Variants in PEAK1 observed in about 807,000 individuals in gnomAD.
The protein encoded by PEAK1 is pseudopodium enriched atypical kinase 1.
In PEAK1, 54 loss-of-function variants were observed where a neutral mutation model predicts 124.7. The observed-to-expected ratio is 0.43, with a 90% CI of 0.35 to 0.54. The LOEUF is 0.54. Among genes scored for constraint, PEAK1 ranks in the 20% least tolerant of loss-of-function variants. The pLI, the probability that PEAK1 is intolerant of heterozygous loss-of-function variation, is 0.01. For missense variants in PEAK1, 2,046 were observed against 2,134.5 expected, an observed-to-expected ratio of 0.96 and a Z score of 0.82; for synonymous variants, 719 against 760.0, an observed-to-expected ratio of 0.95 and a Z score of 0.89.
At chr15:77,268,006 T>C (rs2061828580) in intron 5 of PEAK1, among the ~76,000 whole-genome samples, 1 of 151,982 alleles carries the variant, frequency 6.6e-6, no homozygotes, top group Non-Finnish European at 1.5e-5. Context: ...ATAGATAGCA[T>C]AAATAAAAAC....
chr15:77,333,740 G>A (rs1232943011), intron 2 of PEAK1: 1 of 959,528 alleles, frequency 1.0e-6, no homozygotes, highest in Non-Finnish European at 1.2e-6. Context: ...ACATTAATCT[G>A]TATTATTTTA....
chr15:77,320,169 A>T (rs1416711583), intron 2 of PEAK1, among the ~76,000 whole-genome samples: 1 of 152,020 alleles, frequency 6.6e-6, no homozygotes, highest in East Asian at 1.9e-4. Flanking sequence ...GTTTCTCTTT[A>T]TTGCCCAGTG....
chr15:77,391,802 G>C (rs905049289), intron 1 of PEAK1, among the ~76,000 whole-genome samples: 5 of 152,158 alleles, frequency 3.3e-5, no homozygotes, highest in Non-Finnish European at 7.3e-5. Flanking sequence ...AAGGAAATAA[G>C]ATAGCAAACA....
At chr15:77,235,103 A>G (rs1007860382) in intron 6 of PEAK1, among the ~76,000 whole-genome samples, 1 of 151,964 alleles carries the variant, frequency 6.6e-6, no homozygotes, top group Admixed American at 6.6e-5. Context: ...GCCATGCAAA[A>G]CTGTGAGTAA....
chr15:77,233,324 A>G (rs953092734), intron 6 of PEAK1, among the ~76,000 whole-genome samples: 5 of 152,094 alleles, frequency 3.3e-5, no homozygotes, highest in Admixed American at 1.3e-4. Flanking sequence ...GTGTCCAAAG[A>G]CTGTATTTCC....
chr15:77,279,429 G>A (rs1214558809), intron 5 of PEAK1, among the ~76,000 whole-genome samples: 2 of 152,048 alleles, frequency 1.3e-5, no homozygotes, highest in African/African-American at 4.8e-5. Context: ...GACATCTGCT[G>A]GGATCTGACC....
upstream of PEAK1, chr15:77,420,874 A>G (rs1289956974): frequency 5.0e-6 from 2 of 398,660 alleles, no homozygotes; most frequent in African/African-American, 2.1e-5. Context: ...AGTGCTGCGG[A>G]AGAATTTTTG....
At chr15:77,135,145 T>C (rs1173574194) in intron 8 of PEAK1, among the ~76,000 whole-genome samples, 1 of 152,176 alleles carries the variant, frequency 6.6e-6, no homozygotes, top group African/African-American at 2.4e-5. Context: ...TGAGAGAATA[T>C]ATTTGTGTTG....
At chr15:77,268,665 C>T (rs1454723544) in intron 5 of PEAK1, among the ~76,000 whole-genome samples, 1 of 151,278 alleles carries the variant, frequency 6.6e-6, no homozygotes, top group Non-Finnish European at 1.5e-5. Flanking sequence ...GCTCAAAGAA[C>T]TCCTGGGAAA....
intron 1 of PEAK1, chr15:77,403,705 GA>G: frequency 1.1e-6 from 1 of 927,144 alleles, no homozygotes; most frequent in South Asian, 5.0e-5. Context: ...ACCATATTAA[GA>G]AAAAAGGGCA....
intron 9 of PEAK1, among the ~76,000 whole-genome samples, chr15:77,119,747 G>A (rs77723115): frequency 1.3e-5 from 2 of 152,170 alleles, no homozygotes; most frequent in Admixed American, 6.5e-5. Context: ...TTTCAGTTCA[G>A]GGGCTCATTT....
At position 77,417,899 on chromosome 15, in the gene PEAK1, T is replaced by C. The variant is rs997121153; in HGVS notation, c.-666+2107A>G. 13 of 983,866 alleles carry C rather than the reference T, an allele frequency of 1.3e-5. No individual in the cohort carries two copies. The African/African-American group carries it at 2.1e-4, about 16-fold the overall frequency. 60.9% of individuals were successfully genotyped at this position (983,866 alleles called of 1,614,324 possible). A position where few individuals can be genotyped will look rare whatever the true frequency, so the allele number is the denominator to read the frequency against. ...ACTGCTAGATGTTGAAAAACATGTA[T>C]GCAAATAAGCAAATAAAAGTTTTTA... On this transcript the variant is annotated intron_variant, in intron 1 of 9. Coordinates refer to ENST00000682557, the MANE Select transcript of PEAK1 (RefSeq NM_001385026.1).
intron 7 of PEAK1, among the ~76,000 whole-genome samples, chr15:77,162,292 G>A (rs1391483045): frequency 7.2e-5 from 11 of 151,762 alleles, no homozygotes; most frequent in African/African-American, 1.9e-4. Context: ...TCAGGGGTTC[G>A]AGATCAGCCT....
intron 6 of PEAK1, among the ~76,000 whole-genome samples, chr15:77,192,706 C>T (rs761183898): frequency 4.6e-5 from 7 of 152,146 alleles, no homozygotes; most frequent in African/African-American, 9.7e-5. Context: ...CCATTCCTAT[C>T]GTAACCACTC....
At chr15:77,214,124 C>T (rs972043207) in intron 6 of PEAK1, among the ~76,000 whole-genome samples, 6 of 152,042 alleles carry the variant, frequency 3.9e-5, no homozygotes, top group African/African-American at 1.4e-4. Flanking sequence ...CTTTTTATGG[C>T]TAGTATGATT....
intron 1 of PEAK1, among the ~76,000 whole-genome samples, chr15:77,412,318 C>T (rs1438047121): frequency 6.6e-6 from 1 of 152,172 alleles, no homozygotes; most frequent in Non-Finnish European, 1.5e-5. Flanking sequence ...GTCTATTAGA[C>T]ATCTCAAAAA....
chr15:77,115,448 G>A (rs1180946765), intron 9 of PEAK1, 129 bp from the exon 10 acceptor site: 1 of 830,960 alleles, frequency 1.2e-6, no homozygotes, highest in Non-Finnish European at 1.8e-6. Context: ...CGCAAGGCTT[G>A]CCCCATGTTA....
intron 1 of PEAK1, among the ~76,000 whole-genome samples, chr15:77,393,310 T>A (rs1177606134): frequency 6.6e-6 from 1 of 152,150 alleles, no homozygotes; most frequent in East Asian, 1.9e-4. Context: ...AAGGCAGTGC[T>A]TGAACTCCAC....
chr15:77,349,303 T>C (rs1281936047), intron 2 of PEAK1: 2 of 871,430 alleles, frequency 2.3e-6, no homozygotes, highest in Non-Finnish European at 2.8e-6. Flanking sequence ...CCTCCCAAAG[T>C]GCTGGGATTA....
Sources: gnomAD v4.1 joint callset for allele counts (sites outside exome capture counted in the v4.1 genomes callset) on GRCh38, gnomAD v4.1.1 for gene constraint, MANE v1.5 for transcripts, NCBI Gene and HGNC (gene_info 2026-07-23, HGNC 2026-07-21) for gene names.